TRAM2: variants seen among roughly 807,000 people sequenced by gnomAD.
TRAM2 encodes translocation associated membrane protein 2, also known as translocating chain-associated membrane protein 2.
Under a neutral mutation model 51.0 loss-of-function variants are expected in TRAM2, and 12 were observed. That is an observed-to-expected ratio of 0.24 (90% CI 0.15 to 0.38). TRAM2 has a LOEUF of 0.38. TRAM2 is among the 10% of genes least tolerant of loss of function. TRAM2 has a pLI of 1.00. For missense variants in TRAM2, 361 were observed against 462.0 expected (o/e 0.78, Z 2.00); for synonymous variants, 175 against 179.4 (o/e 0.98, Z 0.20).
chr6:52,538,029 A>G (rs1406827823), intron 1 of TRAM2, among the ~76,000 whole-genome samples: 4 of 152,136 alleles, frequency 2.6e-5, no homozygotes, highest in Admixed American at 2.6e-4. Flanking sequence ...AACTCCACTC[A>G]TATAGGTCAT....
intron 1 of TRAM2, 109 bp from the exon 2 acceptor site, chr6:52,535,955 C>A: frequency 1.2e-6 from 1 of 837,420 alleles, no homozygotes. Context: ...AACCTCTTGA[C>A]TGAACGGTTC....
intron 1 of TRAM2, among the ~76,000 whole-genome samples, chr6:52,542,039 A>G (rs1424088942): frequency 6.6e-6 from 1 of 152,076 alleles, no homozygotes; most frequent in Middle Eastern, 3.2e-3. Flanking sequence ...TGAGAAACAC[A>G]GGGTAAAGCC....
rs1471352083 is a variant in TRAM2 at position 52,576,849 on chromosome 6, C to G, written c.67G>C (p.Ala23Pro). ...FSQEFVIHNHADIGFCLVLCV... is the reference protein window; with the variant it reads ...FSQEFVIHNHPDIGFCLVLCV... ...AGCACCAGGCAGAAGCCGATGTCCG[C>G]ATGGTTGTGGATGACGAACTCCTGG... The change falls in exon 1 of 11, where the codon GCG becomes CCG. Residue 23 changes from alanine (A) to proline (P), a missense_variant. Transcript: ENST00000182527. The G allele has an allele frequency of 6.2e-7, 1 of 1,613,836 alleles. No homozygotes were observed. Among genetic ancestry groups the G allele is most frequent in the East Asian group, 2.2e-5 (1 of 44,858 alleles).
intron 1 of TRAM2, among the ~76,000 whole-genome samples, chr6:52,556,092 C>A (rs1036142113): frequency 1.3e-5 from 2 of 151,994 alleles, no homozygotes; most frequent in Non-Finnish European, 2.9e-5. Flanking sequence ...CAGCACTAAG[C>A]AGTGCTGAAG....
chr6:52,511,294 G>A (rs1458404260), intron 4 of TRAM2, among the ~76,000 whole-genome samples: 1 of 152,096 alleles, frequency 6.6e-6, no homozygotes, highest in Non-Finnish European at 1.5e-5. Context: ...TAGCAGAGAC[G>A]GGGTTTCACT....
intron 2 of TRAM2, among the ~76,000 whole-genome samples, chr6:52,527,737 G>A (rs1403083006): frequency 6.6e-6 from 1 of 152,178 alleles, no homozygotes; most frequent in Non-Finnish European, 1.5e-5. Flanking sequence ...GCTACGACAG[G>A]GAATTGCATA....
intron 1 of TRAM2, among the ~76,000 whole-genome samples, chr6:52,562,805 G>A (rs538909089): frequency 6.6e-6 from 1 of 152,142 alleles, no homozygotes; most frequent in Non-Finnish European, 1.5e-5. Flanking sequence ...AACATGTGGT[G>A]TTTGGTTTTG....
rs190351630 is a variant in TRAM2 at position 52,564,179 on chromosome 6, G to A, written c.120+12617C>T. Among the ~76,000 whole-genome samples the A allele has an allele frequency of 3.3e-5, 5 of 152,244 alleles. No homozygotes were observed. The East Asian group carries it at 9.6e-4, about 29-fold the overall frequency. On this transcript the variant is annotated intron_variant, in intron 1 of 10. Transcript: ENST00000182527. ...GAGGTGCTAGGGATACTGAGAAAATGTGAAACACCTCTTTCCTTGGGTCAT... is the reference window on the plus strand; with the variant it reads ...GAGGTGCTAGGGATACTGAGAAAATATGAAACACCTCTTTCCTTGGGTCAT...
At chr6:52,503,851 A>T (rs948275199) in intron 10 of TRAM2, among the ~76,000 whole-genome samples, 1 of 152,192 alleles carries the variant, frequency 6.6e-6, no homozygotes, top group Non-Finnish European at 1.5e-5. Context: ...TACTGGCTGC[A>T]GTCTTATGCC....
At chr6:52,550,987 G>GA (rs1767299168) in intron 1 of TRAM2, among the ~76,000 whole-genome samples, 2 of 152,168 alleles carry the variant, frequency 1.3e-5, no homozygotes, top group African/African-American at 4.8e-5. Context: ...ATTTCCAAAG[G>GA]ACCAACAGTG....
chr6:52,548,572 A>G (rs964245508), intron 1 of TRAM2, among the ~76,000 whole-genome samples: 1 of 152,266 alleles, frequency 6.6e-6, no homozygotes, highest in Non-Finnish European at 1.5e-5. Context: ...CAGAGGCCCT[A>G]ATGTGCAGAA....
intron 1 of TRAM2, among the ~76,000 whole-genome samples, chr6:52,569,646 T>G (rs987276360): frequency 6.6e-6 from 1 of 151,780 alleles, no homozygotes; most frequent in Non-Finnish European, 1.5e-5. Context: ...TGAGGCCCAA[T>G]AGTTTGAGGA....
At position 52,516,057 on chromosome 6, in the gene TRAM2, C is replaced by G. The variant is rs770893524; in HGVS notation, c.360G>C (p.Leu120=). 2.5e-6 allele frequency: 4 copies of G among 1,614,060 alleles called. No individual in the cohort carries two copies. In the African/African-American group the frequency reaches 5.3e-5, roughly 22 times the overall value. Residue 120 remains leucine (L), a synonymous_variant, in exon 4 of 11, where the codon CTG becomes CTC. Transcript: ENST00000182527. ...TCACCGAGGTGAAATGAAAGACGAC[C>G]AGCTGTCCAGATTCATTGAACTTGC... ...KHSKFNESGQ[L]VVFHFTSVIW... is the part of the protein sequence containing the mutation.
chr6:52,521,300 A>G (rs1184683176), intron 2 of TRAM2, among the ~76,000 whole-genome samples: 2 of 152,180 alleles, frequency 1.3e-5, no homozygotes, highest in Admixed American at 6.5e-5. Flanking sequence ...ATAGAACTAT[A>G]GAGGTTGGAC....
chr6:52,539,402 G>A (rs897682716), intron 1 of TRAM2, among the ~76,000 whole-genome samples: 4 of 152,154 alleles, frequency 2.6e-5, no homozygotes, highest in African/African-American at 9.7e-5. Context: ...ATAAATCTCA[G>A]CAAGTAAGCG....
chr6:52,552,824 C>T (rs1295005370), intron 1 of TRAM2, among the ~76,000 whole-genome samples: 1 of 152,208 alleles, frequency 6.6e-6, no homozygotes, highest in Non-Finnish European at 1.5e-5. Flanking sequence ...CATGCCAAAC[C>T]TGGTGCCCAG....
chr6:52,511,369 T>A lies in TRAM2; in HGVS notation c.412-1783A>T, dbSNP rs535424422. Among the ~76,000 whole-genome samples the A allele has an allele frequency of 2.0e-5, 3 of 152,328 alleles. No homozygotes were observed. In the East Asian group the frequency reaches 5.8e-4, roughly 29 times the overall value. On this transcript the variant is annotated intron_variant, in intron 4 of 10. Coordinates refer to ENST00000182527, the MANE Select transcript of TRAM2 (RefSeq NM_012288.4). Reference sequence around the variant, plus strand: ...CCTCGACCTCCCAAAGTGCTGTGATTACAGGCGTGCACCATTGCGCCCAGC... The same window carrying A: ...CCTCGACCTCCCAAAGTGCTGTGATAACAGGCGTGCACCATTGCGCCCAGC...
chr6:52,503,278 GT>G lies in TRAM2; in HGVS notation c.1040-9del, dbSNP rs755037424. 6.2e-7 allele frequency: 1 copy of G among 1,613,060 alleles called. No homozygotes were observed. Among genetic ancestry groups the G allele is most frequent in the South Asian group, 1.1e-5 (1 of 91,070 alleles). On this transcript the variant is annotated splice_polypyrimidine_tract_variant and intron_variant, in intron 10 of 10. Transcript: ENST00000182527. ...CTCCATTTTCATGGTAACCTGGGAA[GT>G]GGAGAGAGACAAGCATACATGGTGT...
At position 52,516,745 on chromosome 6, in the gene TRAM2, G is replaced by C; in HGVS notation, c.185-8C>G. Reference sequence around the variant, plus strand: ...AGTGCACGGTCTCACTGTCTGTGGAGGTAATAAAAGTCCCATCAGCATCCC... The same window carrying C: ...AGTGCACGGTCTCACTGTCTGTGGACGTAATAAAAGTCCCATCAGCATCCC... On this transcript the variant is annotated splice_polypyrimidine_tract_variant and splice_region_variant and intron_variant, in intron 2 of 10. Transcript: ENST00000182527. The C allele has an allele frequency of 2.5e-6, 4 of 1,604,308 alleles. No homozygotes were observed. The South Asian group carries it at 3.3e-5, about 13-fold the overall frequency.
Sources: gnomAD v4.1 joint callset for allele counts (sites outside exome capture counted in the v4.1 genomes callset) on GRCh38, gnomAD v4.1.1 for gene constraint, MANE v1.5 for transcripts, NCBI Gene and HGNC (gene_info 2026-07-23, HGNC 2026-07-21) for gene names.